MACROH2A1: variants seen among roughly 807,000 people sequenced by gnomAD.
MACROH2A1 encodes the protein macroH2A.1 histone.
A neutral mutation model predicts 31.6 loss-of-function variants in MACROH2A1; 2 were observed. The ratio of observed to expected loss-of-function variants is 0.06; its 90% CI spans 0.03 to 0.20. The LOEUF is 0.20. Ranked by LOEUF, MACROH2A1 falls within the 10% of genes least tolerant of loss-of-function variation. The probability of loss-of-function intolerance (pLI) is 1.00; values close to 1 mark genes in which losing one functional copy is unlikely to be tolerated. For missense variants in MACROH2A1, 230 were observed against 474.0 expected (o/e 0.49, Z 4.78); for synonymous variants, 169 against 189.6 (o/e 0.89, Z 0.89).
intron 5 of MACROH2A1, chr5:135,354,800 T>G: frequency 2.9e-6 from 1 of 340,514 alleles, no homozygotes; most frequent in South Asian, 2.3e-5. Flanking sequence ...GTTCTGCATT[T>G]GGCTCCAAGC....
chr5:135,360,721 C>G (rs556330005), intron 4 of MACROH2A1, 114 bp from the exon 5 acceptor site: 2 of 768,408 alleles, frequency 2.6e-6, no homozygotes, highest in East Asian at 5.1e-5. Flanking sequence ...AACTAAACCA[C>G]AACCAGTTCT....
chr5:135,341,641 C>G (rs1290947494), intron 8 of MACROH2A1, among the ~76,000 whole-genome samples: 1 of 152,182 alleles, frequency 6.6e-6, no homozygotes, highest in Non-Finnish European at 1.5e-5. Context: ...GACAGGAAGC[C>G]CACTCTGTAC....
At chr5:135,370,916 G>A (rs1002967758) in intron 2 of MACROH2A1, among the ~76,000 whole-genome samples, 1 of 152,174 alleles carries the variant, frequency 6.6e-6, no homozygotes, top group African/African-American at 2.4e-5. Context: ...TCTGTAGGGA[G>A]CATCCTTGTT....
At chr5:135,358,846 C>T (rs1292545577) in intron 5 of MACROH2A1, 1 of 984,894 alleles carries the variant, frequency 1.0e-6, no homozygotes, top group African/African-American at 1.7e-5. Flanking sequence ...GATGCCTGGC[C>T]CTGAGACCAG....
At chr5:135,355,483 C>T (rs1460829122) in intron 5 of MACROH2A1, 1 of 304,948 alleles carries the variant, frequency 3.3e-6, no homozygotes, top group Non-Finnish European at 6.5e-6. Context: ...CAGAAGTCCT[C>T]AGGGTATGCA....
chr5:135,377,700 A>G (rs1765079954), intron 2 of MACROH2A1, among the ~76,000 whole-genome samples: 2 of 152,220 alleles, frequency 1.3e-5, no homozygotes, highest in South Asian at 2.1e-4. Flanking sequence ...TATCTTCTGC[A>G]TATTTTCCTT....
chr5:135,350,796 A>G (rs1488969577), intron 6 of MACROH2A1: 2 of 1,456,850 alleles, frequency 1.4e-6, no homozygotes, highest in Admixed American at 1.7e-5. Flanking sequence ...GCACACACAC[A>G]CTCGGCAGCA....
Position 135,360,560 on chromosome 5 carries a change from G to A in MACROH2A1, c.525C>T (p.Thr175=), listed in dbSNP as rs1331439513. ...TGAAGCCGTCGGCAGGTGTGCCCTC[G>A]GTTGTGCTGTCGGCGCTGGCTGCCT... ...VSKAASADST[T]EGTPADGFTV... The change falls in exon 5 of 9, where the codon ACC becomes ACT. Residue 175 remains threonine (T), a synonymous_variant. Coordinates refer to ENST00000511689, the MANE Select transcript of MACROH2A1 (RefSeq NM_138610.3). 8 of 1,614,098 alleles carry A rather than the reference G, an allele frequency of 5.0e-6. No individual in the cohort carries two copies. The highest frequency in any genetic ancestry group is 2.2e-5 in the South Asian group (2 of 91,078).
chr5:135,389,301 A>G, intron 1 of MACROH2A1, 175 bp from the exon 2 acceptor site: 1 of 427,668 alleles, frequency 2.3e-6, no homozygotes, highest in Non-Finnish European at 4.2e-6. Context: ...TGATCCCTGA[A>G]AAGAAAGGCT....
At chr5:135,364,398 A>C (rs769154327) in intron 4 of MACROH2A1, among the ~76,000 whole-genome samples, 61 of 152,244 alleles carry the variant, frequency 4.0e-4, no homozygotes, top group Non-Finnish European at 7.1e-4. Context: ...CACATTGTGC[A>C]CATGTACCCT....
rs779113882 is a variant in MACROH2A1 at position 135,360,485 on chromosome 5, G to A, written c.588+12C>T. 1.7e-5 allele frequency: 26 copies of A among 1,532,790 alleles called. No homozygotes were observed. Among genetic ancestry groups the A allele is most frequent in the South Asian group, 3.4e-5 (3 of 89,438 alleles). 94.9% of individuals were successfully genotyped at this position (1,532,790 alleles called of 1,614,324 possible). ...GGGCCCTCGAGTAGACTGAGGCCGCGCATCTGCCTACCTTCTGGCCAAGGA... is the reference window on the plus strand; with the variant it reads ...GGGCCCTCGAGTAGACTGAGGCCGCACATCTGCCTACCTTCTGGCCAAGGA... On this transcript the variant is annotated intron_variant, in intron 5 of 8. Coordinates refer to ENST00000511689, the MANE Select transcript of MACROH2A1 (RefSeq NM_138610.3).
intron 1 of MACROH2A1, among the ~76,000 whole-genome samples, chr5:135,393,291 CT>C (rs1346530953): frequency 7.9e-5 from 12 of 152,228 alleles, no homozygotes; most frequent in Non-Finnish European, 2.9e-5. Context: ...CACATCACTT[CT>C]GACCATGATC....
chr5:135,357,707 A>G, intron 5 of MACROH2A1: 1 of 984,090 alleles, frequency 1.0e-6, no homozygotes, highest in Non-Finnish European at 1.2e-6. Flanking sequence ...CACAAAGCAA[A>G]AGCATTTAGT....
intron 1 of MACROH2A1, among the ~76,000 whole-genome samples, chr5:135,392,155 T>C (rs1217995414): frequency 6.6e-6 from 1 of 152,210 alleles, no homozygotes; most frequent in African/African-American, 2.4e-5. Context: ...CCCTCTGCCA[T>C]GGAGGCTTTG....
At chr5:135,394,276 T>G (rs1581384014) in intron 1 of MACROH2A1, among the ~76,000 whole-genome samples, 1 of 152,094 alleles carries the variant, frequency 6.6e-6, no homozygotes, top group African/African-American at 2.4e-5. Flanking sequence ...TTGTCTGGAG[T>G]AATCCTGCCT....
intron 2 of MACROH2A1, among the ~76,000 whole-genome samples, chr5:135,380,764 G>A (rs1351383707): frequency 6.6e-6 from 1 of 152,090 alleles, no homozygotes; most frequent in Non-Finnish European, 1.5e-5. Context: ...CTGTATTTTT[G>A]CATTTTATTT....
chr5:135,381,384 T>C (rs990700823), intron 2 of MACROH2A1, among the ~76,000 whole-genome samples: 6 of 152,068 alleles, frequency 3.9e-5, no homozygotes, highest in African/African-American at 1.2e-4. Flanking sequence ...ATTTAAATAA[T>C]GAATATAAAA....
intron 2 of MACROH2A1, among the ~76,000 whole-genome samples, chr5:135,387,628 A>C (rs182347198): frequency 3.7e-4 from 56 of 152,298 alleles, no homozygotes; most frequent in African/African-American, 1.3e-3. Flanking sequence ...TTACGACAGG[A>C]CAGCAGGATT....
rs1025501822 is a variant in MACROH2A1 at position 135,343,058 on chromosome 5, A to G, written c.953+202T>C. On this transcript the variant is annotated intron_variant, in intron 8 of 8. Transcript: ENST00000511689. The stretch of plus-strand genomic sequence containing the variant: ...CATTTGCTATCAAAACTTAAGTTTT[A>G]TATCATCCTTGGGATTTGGGTCTCT... The G allele has an allele frequency of 1.5e-5, 19 of 1,294,132 alleles. No homozygotes were observed. The African/African-American group carries it at 2.7e-4, about 18-fold the overall frequency. 80.2% of individuals were successfully genotyped at this position (1,294,132 alleles called of 1,614,324 possible). A position where few individuals can be genotyped will look rare whatever the true frequency, so the allele number is the denominator to read the frequency against.
Sources: gnomAD v4.1 joint callset for allele counts (sites outside exome capture counted in the v4.1 genomes callset) on GRCh38, gnomAD v4.1.1 for gene constraint, MANE v1.5 for transcripts, NCBI Gene and HGNC (gene_info 2026-07-23, HGNC 2026-07-21) for gene names.